SLC38A8: variants seen among roughly 807,000 people sequenced by gnomAD.
SLC38A8 encodes solute carrier family 38 member 8, also known as amino acid transporter SLC38A8.
In SLC38A8, 65 loss-of-function variants were observed where a neutral mutation model predicts 46.0. The ratio of observed to expected loss-of-function variants is 1.41; its 90% CI spans 1.16 to 1.74. The LOEUF (loss-of-function observed/expected upper bound fraction) is 1.74. Ranked by LOEUF, SLC38A8 falls within the 40% of genes most tolerant of loss-of-function variation. The pLI is 0.00. For missense variants in SLC38A8, 998 were observed against 567.9 expected (o/e 1.76, Z -7.70); for synonymous variants, 447 against 243.7 (o/e 1.83, Z -7.77).
rs781006650 is a variant in SLC38A8, at chr16:84,017,306, G to A, written c.806-19C>T. 1 of 1,613,582 alleles carries A rather than the reference G, an allele frequency of 6.2e-7. No individual in the cohort carries two copies. Among genetic ancestry groups the A allele is most frequent in the Non-Finnish European group, 8.5e-7 (1 of 1,179,922 alleles). On this transcript the variant is annotated intron_variant, in intron 7 of 10. Transcript: ENST00000299709. ...TAAACCCCTGAAGGTGGGAAAGGATGGAAGCCACAGAGTGGATTAGGAAAA... is the reference window on the plus strand; with the variant it reads ...TAAACCCCTGAAGGTGGGAAAGGATAGAAGCCACAGAGTGGATTAGGAAAA...
intron 5 of SLC38A8, 30 bp downstream of exon 5, chr16:84,031,837 G>A (rs1424381634): frequency 1.2e-6 from 2 of 1,600,606 alleles, no homozygotes; most frequent in Non-Finnish European, 1.7e-6. Context: ...TCCCCGCCGA[G>A]GCTGCCGGAA....
At chr16:84,032,364 C>G (rs1204288620) in intron 4 of SLC38A8, among the ~76,000 whole-genome samples, 1 of 152,104 alleles carries the variant, frequency 6.6e-6, no homozygotes, top group Non-Finnish European at 1.5e-5. Context: ...AATTTTTGTA[C>G]TTTTAGTAGA....
intron 6 of SLC38A8, among the ~76,000 whole-genome samples, chr16:84,028,988 G>A (rs893515566): frequency 6.6e-6 from 1 of 151,976 alleles, no homozygotes; most frequent in South Asian, 2.1e-4. Context: ...CTGTATTTCT[G>A]CCCCTTTCCC....
chr16:84,026,573 G>A (rs929743017), intron 6 of SLC38A8, among the ~76,000 whole-genome samples: 2 of 152,212 alleles, frequency 1.3e-5, no homozygotes, highest in South Asian at 2.1e-4. Context: ...CTGAGGGCAG[G>A]CAGTACCCAG....
intron 9 of SLC38A8, among the ~76,000 whole-genome samples, chr16:84,013,954 T>C (rs1042699114): frequency 6.6e-6 from 1 of 151,522 alleles, no homozygotes; most frequent in Admixed American, 6.6e-5. Flanking sequence ...CAGCCTCACC[T>C]CTGAGAAGCT....
At position 84,042,182 on chromosome 16, in the gene SLC38A8, G is replaced by C. The variant is rs1356658397; in HGVS notation, c.-2-23C>G. 4 of 1,591,938 alleles carry C rather than the reference G, an allele frequency of 2.5e-6. No homozygotes were observed. The Admixed American group carries it at 5.3e-5, about 21-fold the overall frequency. On this transcript the variant is annotated intron_variant, in intron 1 of 10. Coordinates refer to ENST00000299709, the MANE Select transcript of SLC38A8 (RefSeq NM_001080442.3). ...TGGCTAGAGGCGGCAGAGGGGTGGA[G>C]AGAAAGCACAGTCTTCACGCTTTCC... is the stretch of plus-strand genomic sequence containing the variant.
chr16:84,022,257 T>G (rs546143064), intron 7 of SLC38A8, among the ~76,000 whole-genome samples: 2 of 152,322 alleles, frequency 1.3e-5, no homozygotes, highest in South Asian at 4.1e-4. Context: ...AAGCCAGCCG[T>G]GCCAGGGACC....
At chr16:84,023,921 A>G (rs1397415391) in intron 6 of SLC38A8, among the ~76,000 whole-genome samples, 3 of 152,110 alleles carry the variant, frequency 2.0e-5, no homozygotes, top group Non-Finnish European at 4.4e-5. Context: ...GGCAGCAGAG[A>G]ATGTTTCCGT....
Position 84,009,740 on chromosome 16 carries a change from G to C in SLC38A8, c.*44C>G. On this transcript the variant is annotated 3_prime_UTR_variant, in exon 11 of 11. Coordinates refer to ENST00000299709, the MANE Select transcript of SLC38A8 (RefSeq NM_001080442.3). Reference sequence around the variant, plus strand: ...TGGCTGCATACAGCAGCCACGTAGGGTCAGCCCCCGGAGGGCCCCTTCCTG... The same window carrying C: ...TGGCTGCATACAGCAGCCACGTAGGCTCAGCCCCCGGAGGGCCCCTTCCTG... 1 of 1,565,536 alleles carries C rather than the reference G, an allele frequency of 6.4e-7. No individual in the cohort carries two copies. The highest frequency in any genetic ancestry group is 8.7e-7 in the Non-Finnish European group (1 of 1,145,552).
At chr16:84,029,272 A>C (rs1452467557) in intron 6 of SLC38A8, among the ~76,000 whole-genome samples, 1 of 152,140 alleles carries the variant, frequency 6.6e-6, no homozygotes, top group African/African-American at 2.4e-5. Flanking sequence ...TGGATTCCCA[A>C]GTTCAAGGCA....
chr16:84,023,304 A>ACAGGAGCAGGAC (rs1388886672), intron 6 of SLC38A8, among the ~76,000 whole-genome samples: 1 of 152,188 alleles, frequency 6.6e-6, no homozygotes, highest in Non-Finnish European at 1.5e-5. Flanking sequence ...GGAAAAGGGT[A>ACAGGAGCAGGAC]CAGGAGCAGG....
At chr16:84,039,129 T>C (rs2085337353) in intron 2 of SLC38A8, among the ~76,000 whole-genome samples, 1 of 152,072 alleles carries the variant, frequency 6.6e-6, no homozygotes, top group African/African-American at 2.4e-5. Context: ...CCTGAGGCCA[T>C]AAACCCAAGA....
chr16:84,034,902 C>T (rs112586316), intron 3 of SLC38A8, among the ~76,000 whole-genome samples: 3 of 152,114 alleles, frequency 2.0e-5, no homozygotes, highest in East Asian at 1.9e-4. Flanking sequence ...CTAAACCCAG[C>T]GTTCCCGGAT....
At chr16:84,031,345 G>C (rs1258278391) in intron 5 of SLC38A8, among the ~76,000 whole-genome samples, 1 of 152,154 alleles carries the variant, frequency 6.6e-6, no homozygotes, top group Non-Finnish European at 1.5e-5. Flanking sequence ...CCTACCTAGA[G>C]TGACCCTTTC....
intron 6 of SLC38A8, among the ~76,000 whole-genome samples, chr16:84,025,431 G>A (rs374218646): frequency 6.6e-6 from 1 of 152,186 alleles, no homozygotes; most frequent in African/African-American, 2.4e-5. Flanking sequence ...TCCCGAGTGG[G>A]CTGGTTTCCT....
chr16:84,022,441 G>T (rs180868311), intron 7 of SLC38A8, among the ~76,000 whole-genome samples: 1 of 152,160 alleles, frequency 6.6e-6, no homozygotes, highest in South Asian at 2.1e-4. Context: ...GTGTAATGAC[G>T]GACAGCAGTC....
intron 3 of SLC38A8, among the ~76,000 whole-genome samples, chr16:84,034,862 G>A (rs1292014525): frequency 6.6e-6 from 1 of 151,894 alleles, no homozygotes; most frequent in Non-Finnish European, 1.5e-5. Flanking sequence ...GGATCCTCAG[G>A]GCCAACAGCA....
chr16:84,013,383 G>T (rs979688333), intron 9 of SLC38A8, among the ~76,000 whole-genome samples: 1 of 151,252 alleles, frequency 6.6e-6, no homozygotes, highest in Admixed American at 6.6e-5. Flanking sequence ...GGAAGTGCTC[G>T]GCAACTGGCA....
At chr16:84,029,975 G>A (rs1205255847) in intron 5 of SLC38A8, among the ~76,000 whole-genome samples, 4 of 152,178 alleles carry the variant, frequency 2.6e-5, no homozygotes, top group African/African-American at 7.2e-5. Flanking sequence ...GGTCTGCGTG[G>A]GGAGAACCTC....
Sources: allele counts gnomAD v4.1 joint callset (sites outside exome capture counted in the v4.1 genomes callset), GRCh38; gene constraint gnomAD v4.1.1; transcripts MANE v1.5; gene names NCBI Gene and HGNC (gene_info 2026-07-23, HGNC 2026-07-21).